Variants in KIF26B observed in about 807,000 individuals in gnomAD.
The protein encoded by KIF26B is kinesin family member 26B.
A neutral mutation model predicts 151.2 loss-of-function variants in KIF26B; 63 were observed. The observed-to-expected ratio is 0.42, with a 90% CI of 0.34 to 0.51. KIF26B has a LOEUF of 0.51. KIF26B is among the 20% of genes least tolerant of loss of function. The pLI is 0.07. For synonymous variants in KIF26B, 1,357 were observed against 1,262.1 expected, an observed-to-expected ratio of 1.08 and a Z score of -1.59; for missense variants, 2,813 against 2,913.6, an observed-to-expected ratio of 0.97 and a Z score of 0.79.
In KIF26B at chr1:245,218,149, G is replaced by A. The variant is rs548268481; in HGVS notation, c.465+61466G>A. Among the ~76,000 whole-genome samples, 237 of 152,306 alleles carry A rather than the reference G, an allele frequency of 1.6e-3. No individual in the cohort carries two copies. The highest frequency in any genetic ancestry group is 5.5e-3 in the African/African-American group (230 of 41,560). On this transcript the variant is annotated intron_variant, in intron 2 of 14. Coordinates refer to ENST00000407071, the MANE Select transcript of KIF26B (RefSeq NM_018012.4). This position sits in a 1 kb window ranked among gnomAD's most constrained non-coding sequence, Gnocchi z 4.1. The stretch of plus-strand genomic sequence containing the variant: ...GGGCAGAGGCCAGAGGCCATGGTGG[G>A]GGCCCCAGAACTCAGGCTGGGAATC...
At chr1:245,203,255 A>AAAAGAAAAG (rs1669337851) in intron 2 of KIF26B, among the ~76,000 whole-genome samples, 1 of 129,746 alleles carries the variant, frequency 7.7e-6, no homozygotes, top group African/African-American at 3.0e-5. Flanking sequence ...TCAAAAAAAA[A>AAAAGAAAAG]AAAAGAAAAT....
At chr1:245,681,564 G>T (rs1364408075) in intron 10 of KIF26B, among the ~76,000 whole-genome samples, 2 of 152,154 alleles carry the variant, frequency 1.3e-5, no homozygotes, top group African/African-American at 4.8e-5. Flanking sequence ...GATACAGGGG[G>T]ATGCGCCTTC....
intron 2 of KIF26B, among the ~76,000 whole-genome samples, chr1:245,158,696 C>T (rs532910351): frequency 6.6e-6 from 1 of 152,330 alleles, no homozygotes; most frequent in South Asian, 2.1e-4. Flanking sequence ...TGAAGCAGCA[C>T]AGTAAAGCGT....
intron 4 of KIF26B, among the ~76,000 whole-genome samples, chr1:245,503,298 G>A (rs113539176): frequency 2.0e-5 from 3 of 152,196 alleles, no homozygotes; most frequent in African/African-American, 4.8e-5. Flanking sequence ...CATATTTCAT[G>A]TATATAACAT....
At chr1:245,362,686 A>G (rs1672852440) in intron 2 of KIF26B, among the ~76,000 whole-genome samples, 1 of 152,168 alleles carries the variant, frequency 6.6e-6, no homozygotes, top group Non-Finnish European at 1.5e-5. Flanking sequence ...TTCTTTTGAA[A>G]TTAGTGAGGG....
intron 4 of KIF26B, among the ~76,000 whole-genome samples, chr1:245,501,785 C>T (rs1047248465): frequency 2.6e-5 from 4 of 152,176 alleles, no homozygotes; most frequent in Admixed American, 1.3e-4. Flanking sequence ...AACACACAGA[C>T]GGAGGACCGT....
chr1:245,271,527 T>G (rs1411822189), intron 2 of KIF26B, among the ~76,000 whole-genome samples: 2 of 152,100 alleles, frequency 1.3e-5, no homozygotes, highest in Non-Finnish European at 2.9e-5. Flanking sequence ...AATTTCCTTT[T>G]TTTCCTGGTT....
Position 245,597,676 on chromosome 1 carries a change from GT to G in KIF26B, c.1351-4900del, listed in dbSNP as rs2043348749. 6.6e-6 allele frequency among the ~76,000 whole-genome samples: 1 copy of G among 152,120 alleles called. No individual in the cohort carries two copies. The highest frequency in any genetic ancestry group is 2.4e-5 in the African/African-American group (1 of 41,440). The stretch of plus-strand genomic sequence containing the variant: ...ATATTCTGAATTTAAATGTTGGCCT[GT>G]CCTGCTAGTTTGAGGAAATTCTCCT... On this transcript the variant is annotated intron_variant, in intron 5 of 14. Transcript: ENST00000407071. This position sits in a 1 kb window ranked among gnomAD's most constrained non-coding sequence, Gnocchi z 4.6.
intron 5 of KIF26B, among the ~76,000 whole-genome samples, chr1:245,584,299 A>T (rs2043203634): frequency 6.6e-6 from 1 of 152,234 alleles, no homozygotes. Context: ...ATGCATACAC[A>T]GCCTGCAGAA....
intron 10 of KIF26B, among the ~76,000 whole-genome samples, chr1:245,659,724 T>C (rs1179007478): frequency 6.6e-6 from 1 of 151,988 alleles, no homozygotes; most frequent in East Asian, 1.9e-4. Flanking sequence ...ATCAAGTACA[T>C]TCAAGGAAAG....
In KIF26B at chr1:245,352,450, G is replaced by A. The variant is rs1672587603; in HGVS notation, c.466-14384G>A. ...GGCTAATTTTTGTATTTTCAGTAGA[G>A]ATGGGTTTTCACAATGTTGGCCAGG... is the stretch of plus-strand genomic sequence containing the variant. On this transcript the variant is annotated intron_variant, in intron 2 of 14. Coordinates refer to ENST00000407071, the MANE Select transcript of KIF26B (RefSeq NM_018012.4). The surrounding 1 kb of genome is among the most constrained non-coding windows in gnomAD (Gnocchi z 5.0). Among the ~76,000 whole-genome samples the A allele has an allele frequency of 6.6e-6, 1 of 152,148 alleles. No individual in the cohort carries two copies. Among genetic ancestry groups the A allele is most frequent in the African/African-American group, 2.4e-5 (1 of 41,424 alleles).
At chr1:245,224,672 A>G (rs1024041799) in intron 2 of KIF26B, among the ~76,000 whole-genome samples, 2 of 152,252 alleles carry the variant, frequency 1.3e-5, no homozygotes, top group Admixed American at 6.5e-5. Context: ...CATATGATTT[A>G]AAAACATAAT....
intron 5 of KIF26B, among the ~76,000 whole-genome samples, chr1:245,593,380 T>C (rs1450382232): frequency 9.9e-5 from 15 of 152,152 alleles, no homozygotes; most frequent in Non-Finnish European, 2.1e-4. Flanking sequence ...GTCCATGTAT[T>C]CTCATTGTTC....
At chr1:245,539,996 A>G (rs1661576297) in intron 4 of KIF26B, among the ~76,000 whole-genome samples, 1 of 152,148 alleles carries the variant, frequency 6.6e-6, no homozygotes, top group Non-Finnish European at 1.5e-5. Flanking sequence ...TGAATGATGG[A>G]CGATGTCATT....
At chr1:245,232,942 T>C (rs1326031886) in intron 2 of KIF26B, among the ~76,000 whole-genome samples, 1 of 152,192 alleles carries the variant, frequency 6.6e-6, no homozygotes, top group African/African-American at 2.4e-5. Context: ...AGCCTCAGAA[T>C]TCTACTCAAC....
chr1:245,245,661 G>C (rs897287919), intron 2 of KIF26B, among the ~76,000 whole-genome samples: 2 of 152,004 alleles, frequency 1.3e-5, no homozygotes, highest in Admixed American at 1.3e-4. Context: ...TGCTGGGTGC[G>C]GTGGCTCATG....
At chr1:245,293,579 T>C (rs1440158166) in intron 2 of KIF26B, among the ~76,000 whole-genome samples, 1 of 22,652 alleles carries the variant, frequency 4.4e-5, no homozygotes, top group South Asian at 1.2e-3. Context: ...CTTTCTTTCC[T>C]TTTTTTTTTT....
chr1:245,196,828 T>C (rs1178916007), intron 2 of KIF26B, among the ~76,000 whole-genome samples: 2 of 152,216 alleles, frequency 1.3e-5, no homozygotes, highest in Non-Finnish European at 2.9e-5. Context: ...GTTCCGAGCA[T>C]ACCCTGCTTT....
At chr1:245,524,132 A>G (rs887559590) in intron 4 of KIF26B, among the ~76,000 whole-genome samples, 7 of 152,206 alleles carry the variant, frequency 4.6e-5, no homozygotes, top group Non-Finnish European at 1.0e-4. Flanking sequence ...GTACTTGGAC[A>G]TTTCTTAGGC....
Sources: gnomAD v4.1 joint callset for allele counts (sites outside exome capture counted in the v4.1 genomes callset) on GRCh38, gnomAD v4.1.1 for gene constraint, Gnocchi (gnomAD v3.1) non-coding constraint, MANE v1.5 for transcripts, NCBI Gene and HGNC (gene_info 2026-07-23, HGNC 2026-07-21) for gene names.